The following ADIPOR2 variants were observed in gnomAD, a reference collection of about 807,000 sequenced individuals.
ADIPOR2 encodes the protein adiponectin receptor protein 2.
In ADIPOR2, 18 loss-of-function variants were observed where a neutral mutation model predicts 40.9. That is an observed-to-expected ratio of 0.44 (90% CI 0.30 to 0.65). The LOEUF is 0.65. Among genes scored for constraint, ADIPOR2 ranks in the 30% least tolerant of loss-of-function variants. The pLI, the probability that ADIPOR2 is intolerant of heterozygous loss-of-function variation, is 0.09. For missense variants in ADIPOR2, 283 were observed against 479.2 expected, an observed-to-expected ratio of 0.59 and a Z score of 3.82; for synonymous variants, 165 against 166.4, an observed-to-expected ratio of 0.99 and a Z score of 0.06.
intron 1 of ADIPOR2, among the ~76,000 whole-genome samples, chr12:1,743,418 G>C (rs1347597436): frequency 4.0e-5 from 6 of 151,680 alleles, no homozygotes; most frequent in Non-Finnish European, 1.5e-5. Context: ...GCTCATGCCT[G>C]TAAGCACTTT....
chr12:1,774,868 CTAATTTT>C (rs1169864661), intron 3 of ADIPOR2, among the ~76,000 whole-genome samples: 2 of 151,548 alleles, frequency 1.3e-5, no homozygotes, highest in African/African-American at 2.4e-5. Flanking sequence ...CCATGCCCGG[CTAATTTT>C]TGTATTTTTA....
chr12:1,743,785 G>C (rs371438209), intron 1 of ADIPOR2, among the ~76,000 whole-genome samples: 11 of 152,254 alleles, frequency 7.2e-5, no homozygotes, highest in African/African-American at 2.6e-4. Context: ...GCATATTAAA[G>C]ATCTGGCTTA....
At chr12:1,703,086 T>C (rs2094653800) in intron 1 of ADIPOR2, 1 of 152,234 alleles carries the variant, frequency 6.6e-6, no homozygotes, top group East Asian at 1.9e-4. Context: ...TCTCTGACAT[T>C]GCTTGACTAG....
At chr12:1,746,065 AT>A (rs1025691382) in intron 1 of ADIPOR2, among the ~76,000 whole-genome samples, 3 of 152,164 alleles carry the variant, frequency 2.0e-5, no homozygotes, top group African/African-American at 7.2e-5. Flanking sequence ...TAAAAAAAAA[AT>A]GACATGATCT....
At chr12:1,750,308 C>G (rs2094766289) in intron 1 of ADIPOR2, among the ~76,000 whole-genome samples, 1 of 151,678 alleles carries the variant, frequency 6.6e-6, no homozygotes, top group African/African-American at 2.4e-5. Context: ...CCTTTAATCC[C>G]AGCACTTTGG....
At chr12:1,773,046 A>G (rs991207830) in intron 3 of ADIPOR2, 85 bp downstream of exon 3, 2 of 1,468,754 alleles carry the variant, frequency 1.4e-6, no homozygotes, top group Admixed American at 4.4e-5. Context: ...GTAGTACTAT[A>G]GCCTTTGGTT....
intron 3 of ADIPOR2, among the ~76,000 whole-genome samples, chr12:1,775,651 C>T (rs928601135): frequency 1.3e-5 from 2 of 152,202 alleles, no homozygotes; most frequent in African/African-American, 4.8e-5. Flanking sequence ...CTGTCTTCCT[C>T]TCCCTCTCAG....
chr12:1,754,639 T>A (rs1281384665), intron 2 of ADIPOR2, 125 bp downstream of exon 2: 1 of 897,714 alleles, frequency 1.1e-6, no homozygotes, highest in Admixed American at 3.2e-5. Flanking sequence ...AGAAGGAAAC[T>A]TGCACATTTG....
chr12:1,771,069 A>G (rs569276600), intron 2 of ADIPOR2, among the ~76,000 whole-genome samples: 2 of 152,316 alleles, frequency 1.3e-5, no homozygotes, highest in South Asian at 4.1e-4. Context: ...CATACCTGTA[A>G]TCCCAACACA....
chr12:1,734,641 C>G (rs1382245936), intron 1 of ADIPOR2, among the ~76,000 whole-genome samples: 2 of 150,722 alleles, frequency 1.3e-5, no homozygotes, highest in African/African-American at 2.4e-5. Flanking sequence ...CAATTTTGGC[C>G]ATTGCTTTTG....
chr12:1,754,642 C>T (rs1862074202), intron 2 of ADIPOR2, 128 bp downstream of exon 2: 1 of 881,680 alleles, frequency 1.1e-6, no homozygotes, highest in South Asian at 2.2e-5. Flanking sequence ...AGGAAACTTG[C>T]ACATTTGTAT....
In ADIPOR2 at chr12:1,787,500, G is replaced by A. The variant is rs935607244; in HGVS notation, c.*1428G>A. 5 of 152,200 alleles carry A rather than the reference G, an allele frequency of 3.3e-5. No homozygotes were observed. The highest frequency in any genetic ancestry group is 1.3e-4 in the Admixed American group (2 of 15,282). The allele number at this position is 152,200 out of a possible 1,614,324, so 9.4% of individuals were successfully genotyped here. A position where few individuals can be genotyped will look rare whatever the true frequency, so the allele number is the denominator to read the frequency against. ...ATTGCCAGGGAGTGAGGTACAAGAC[G>A]ATGGCTCATGTCACAGGCCTACCTG... On this transcript the variant is annotated 3_prime_UTR_variant, in exon 8 of 8. Transcript: ENST00000357103.
intron 2 of ADIPOR2, among the ~76,000 whole-genome samples, chr12:1,762,429 A>T (rs1466943695): frequency 1.3e-5 from 2 of 152,068 alleles, no homozygotes; most frequent in Non-Finnish European, 2.9e-5. Flanking sequence ...TGATATCCTC[A>T]GAGTCTAACC....
chr12:1,742,851 A>G (rs1054417787), intron 1 of ADIPOR2, among the ~76,000 whole-genome samples: 8 of 152,214 alleles, frequency 5.3e-5, no homozygotes, highest in Admixed American at 4.6e-4. Flanking sequence ...TAGAGGGCTG[A>G]CTGAATACAA....
intron 1 of ADIPOR2, among the ~76,000 whole-genome samples, chr12:1,699,577 G>A (rs2094646153): frequency 6.6e-6 from 1 of 152,180 alleles, no homozygotes; most frequent in Non-Finnish European, 1.5e-5. Context: ...CTTGAACCCG[G>A]GAGGCAGAGG....
chr12:1,759,047 A>G (rs1037279650), intron 2 of ADIPOR2, among the ~76,000 whole-genome samples: 2 of 151,882 alleles, frequency 1.3e-5, no homozygotes, highest in Admixed American at 6.6e-5. Flanking sequence ...CACCAGATTG[A>G]CTTAATGTTT....
In ADIPOR2 at chr12:1,710,192, C is replaced by T. The variant is rs556984663; in HGVS notation, c.-87+19001C>T. Among the ~76,000 whole-genome samples, 283 of 152,248 alleles carry T rather than the reference C, an allele frequency of 1.9e-3. 1 individual carries two copies. Among genetic ancestry groups the T allele is most frequent in the African/African-American group, 6.2e-3 (256 of 41,532 alleles). ...AATGGACCAATCAGCAGGATATGGG[C>T]GGGGATAAATAAGGGAATAAAAGCT... On this transcript the variant is annotated intron_variant, in intron 1 of 7. Transcript: ENST00000357103.
rs1299702564 is a variant in ADIPOR2 at position 1,774,923 on chromosome 12, T to TC, written c.291+1964dup. 5.1e-5 allele frequency among the ~76,000 whole-genome samples: 6 copies of TC among 116,598 alleles called. 1 individual carries two copies. The highest frequency in any genetic ancestry group is 7.2e-5 in the Non-Finnish European group (4 of 55,240). The allele number at this position is 116,598 out of a possible 152,430, so 76.5% of individuals were successfully genotyped here. On this transcript the variant is annotated intron_variant, in intron 3 of 7. Transcript: ENST00000357103. ...TTTCACCATGTTGGCCAGGATGGTCTCCATCTCCTGACCTCGTGATCTGCC... is the reference window on the plus strand; with the variant it reads ...TTTCACCATGTTGGCCAGGATGGTCTCCCATCTCCTGACCTCGTGATCTGCC...
chr12:1,769,819 G>A (rs190868238), intron 2 of ADIPOR2, among the ~76,000 whole-genome samples: 1 of 152,086 alleles, frequency 6.6e-6, no homozygotes, highest in African/African-American at 2.4e-5. Flanking sequence ...TGGGATTACA[G>A]ATGTGCGACA....
Sources: allele counts gnomAD v4.1 joint callset (sites outside exome capture counted in the v4.1 genomes callset), GRCh38; gene constraint gnomAD v4.1.1; transcripts MANE v1.5; gene names NCBI Gene and HGNC (gene_info 2026-07-23, HGNC 2026-07-21).